The following RTL1 variants were observed in gnomAD, a reference collection of about 807,000 sequenced individuals.
RTL1 encodes the protein retrotransposon-like protein 1.
For synonymous variants in RTL1, 727 were observed against 748.4 expected, an observed-to-expected ratio of 0.97 and a Z score of 0.47; for missense variants, 1,681 against 1,767.5, an observed-to-expected ratio of 0.95 and a Z score of 0.88.
At position 100,884,636 on chromosome 14, in the gene RTL1, T is replaced by G; in HGVS notation, c.153A>C (p.Pro51=). The change falls in exon 4 of 4, where the codon CCA becomes CCC. Residue 51 remains proline (P), a synonymous_variant. Transcript: ENST00000649591. ...TGGGGGGCTCCTTCTTTTCCTGGGCTGGGCCGCTGGCTGGCCCTGCCTCTC... is the reference window on the plus strand; with the variant it reads ...TGGGGGGCTCCTTCTTTTCCTGGGCGGGGCCGCTGGCTGGCCCTGCCTCTC... ...VRGEAGPASG[P]AQEKKEPPSG... is the part of the protein sequence containing the mutation. 1.9e-6 allele frequency: 3 copies of G among 1,613,610 alleles called. No individual in the cohort carries two copies. The highest frequency in any genetic ancestry group is 2.5e-6 in the Non-Finnish European group (3 of 1,179,888).
At chr14:100,895,475 C>CTCAACACATGTAGAAAAGGCACTTATT (rs1490423186) in intron 2 of RTL1, among the ~76,000 whole-genome samples, 2 of 152,168 alleles carry the variant, frequency 1.3e-5, no homozygotes, top group Non-Finnish European at 2.9e-5. Flanking sequence ...ATAGTAGATG[C>CTCAACACATGTAGAAAAGGCACTTATT]TCAACACATG....
chr14:100,894,008 T>C (rs1226722644), intron 2 of RTL1, among the ~76,000 whole-genome samples: 2 of 152,128 alleles, frequency 1.3e-5, no homozygotes, highest in African/African-American at 2.4e-5. Context: ...AGCAAATGGA[T>C]AGAAAAGTTT....
rs2038667203 is a variant in RTL1 at position 100,884,377 on chromosome 14, G to A, written c.412C>T (p.His138Tyr). Reference protein sequence around the residue: ...PSGAREEQEAHTDLKESGREE... With the variant: ...PSGAREEQEAYTDLKESGREE... ...CTTCCCGATTCCTTCAGGTCAGTGT[G>A]AGCCTCTTGTTCTTCTCGGGCTCCC... The change falls in exon 4 of 4, where the codon CAC becomes TAC. Residue 138 changes from histidine (H) to tyrosine (Y), a missense_variant. Coordinates refer to ENST00000649591, the MANE Select transcript of RTL1 (RefSeq NM_001134888.3). The A allele has an allele frequency of 6.3e-7, 1 of 1,576,972 alleles. No homozygotes were observed. Among genetic ancestry groups the A allele is most frequent in the Non-Finnish European group, 8.6e-7 (1 of 1,159,668 alleles).
In RTL1 at chr14:100,890,026, C is replaced by G. The variant is rs1381608407; in HGVS notation, c.-87+3418G>C. On this transcript the variant is annotated intron_variant, in intron 3 of 3. Transcript: ENST00000649591. ...TACATGTTGTTCTCAAATCTCATGA[C>G]AGTTTCTTTAAGAAATATCTACTGA... Among the ~76,000 whole-genome samples, 7 of 138,692 alleles carry G rather than the reference C, an allele frequency of 5.0e-5. No homozygotes were observed. The South Asian group carries it at 1.4e-3, about 27-fold the overall frequency. 91.0% of individuals were successfully genotyped at this position (138,692 alleles called of 152,430 possible).
intron 2 of RTL1, among the ~76,000 whole-genome samples, chr14:100,895,210 T>C (rs1159863168): frequency 6.6e-6 from 1 of 152,174 alleles, no homozygotes; most frequent in Admixed American, 6.5e-5. Flanking sequence ...TTTATCACCA[T>C]GATATACAGA....
In RTL1 at chr14:100,884,273, C is replaced by T. The variant is rs185297997; in HGVS notation, c.516G>A (p.Ser172=). The change falls in exon 4 of 4, where the codon TCG becomes TCA. Residue 172 remains serine (S), a synonymous_variant. Transcript: ENST00000649591. ...ELMAMVRSII[S]LYFRMQDLKE... ...TGAGGTCTTGCATTCGGAAGTACAGCGAGATGATGGACCTCACCATGGCCA... is the reference window on the plus strand; with the variant it reads ...TGAGGTCTTGCATTCGGAAGTACAGTGAGATGATGGACCTCACCATGGCCA... 376 of 1,551,774 alleles carry T rather than the reference C, an allele frequency of 2.4e-4. 4 individuals carry two copies. In the East Asian group the frequency reaches 5.9e-3, roughly 24 times the overall value.
chr14:100,903,471 C>T (rs755619816), intron 1 of RTL1, among the ~76,000 whole-genome samples, 85 bp from the exon 2 acceptor site: 5 of 152,242 alleles, frequency 3.3e-5, no homozygotes, highest in African/African-American at 7.2e-5. Context: ...TATGGAGCCC[C>T]GTCTTGGAGC....
intron 2 of RTL1, among the ~76,000 whole-genome samples, chr14:100,896,245 A>ATTTCTTCC (rs575361125): frequency 2.0e-5 from 3 of 152,106 alleles, no homozygotes; most frequent in Non-Finnish European, 4.4e-5. Flanking sequence ...CCTGTCTCAG[A>ATTTCTTCC]TTTCTTCCGC....
At position 100,883,293 on chromosome 14, in the gene RTL1, T is replaced by G; in HGVS notation, c.1496A>C (p.Asn499Thr). The G allele has an allele frequency of 3.2e-6, 5 of 1,550,530 alleles. No individual in the cohort carries two copies. The highest frequency in any genetic ancestry group is 4.4e-6 in the Non-Finnish European group (5 of 1,146,570). Residue 499 changes from asparagine (N) to threonine (T), a missense_variant, in exon 4 of 4, where the codon AAC (asparagine) becomes ACC (threonine). Transcript: ENST00000649591. This position sits in a 1 kb window ranked among gnomAD's most constrained non-coding sequence, Gnocchi z 5.9. ...SIEFDIVPSP[N>T]FSVVLGIRWL... The stretch of plus-strand genomic sequence containing the variant: ...GCGGATGCCTAGGACCACAGAGAAG[T>G]TCGGTGAAGGTACGATGTCAAATTC...
intron 2 of RTL1, among the ~76,000 whole-genome samples, chr14:100,901,808 C>T (rs1011938847): frequency 2.0e-5 from 3 of 152,198 alleles, no homozygotes; most frequent in African/African-American, 4.8e-5. Context: ...GGGCACTCAA[C>T]CCCATTCTCT....
intron 3 of RTL1, among the ~76,000 whole-genome samples, chr14:100,886,000 A>G (rs2038693336): frequency 6.6e-6 from 1 of 152,072 alleles, no homozygotes; most frequent in South Asian, 2.1e-4. Flanking sequence ...CCCAGAGTGG[A>G]TTTTTGGAAA....
Position 100,882,504 on chromosome 14 carries a change from T to C in RTL1, c.2285A>G (p.Tyr762Cys), listed in dbSNP as rs1044759106. ...VLVRFRHHNV[Y>C]CSLDKSQFHR... ...GAACTGGCTCTTGTCCAGGGAGCAGTAGACGTTGTGATGGCGGAAGCGGAC... is the reference window on the plus strand; with the variant it reads ...GAACTGGCTCTTGTCCAGGGAGCAGCAGACGTTGTGATGGCGGAAGCGGAC... Residue 762 changes from tyrosine (Y) to cysteine (C), a missense_variant, in exon 4 of 4, where the codon TAC becomes TGC. Physicochemically the swap from Tyr to Cys is radical, Grantham distance 194. Transcript: ENST00000649591. 3.9e-6 allele frequency: 6 copies of C among 1,551,802 alleles called. No individual in the cohort carries two copies. In the East Asian group the frequency reaches 9.8e-5, roughly 25 times the overall value.
intron 3 of RTL1, among the ~76,000 whole-genome samples, chr14:100,890,491 G>A (rs1236433372): frequency 6.6e-6 from 1 of 151,750 alleles, no homozygotes; most frequent in African/African-American, 2.4e-5. Context: ...GTGAGGACAG[G>A]GGAGGAGGGT....
intron 3 of RTL1, among the ~76,000 whole-genome samples, chr14:100,890,219 C>T (rs1019164984): frequency 5.9e-5 from 9 of 152,040 alleles, no homozygotes; most frequent in Admixed American, 3.9e-4. Context: ...GTGCCCAGAG[C>T]CTCTGTCGGG....
intron 2 of RTL1, among the ~76,000 whole-genome samples, chr14:100,898,533 C>T (rs374664928): frequency 2.0e-5 from 3 of 152,242 alleles, no homozygotes; most frequent in Middle Eastern, 3.2e-3. Context: ...CTTCCTGGAG[C>T]TTCCGGGACG....
Position 100,882,380 on chromosome 14 carries a change from AG to A in RTL1, c.2408del (p.Pro803LeufsTer36), listed in dbSNP as rs1174143935. 6.4e-7 allele frequency: 1 copy of A among 1,551,782 alleles called. No homozygotes were observed. The highest frequency in any genetic ancestry group is 2.0e-5 in the Admixed American group (1 of 51,006). On this transcript the variant is annotated frameshift_variant, in exon 4 of 4. Coordinates refer to ENST00000649591, the MANE Select transcript of RTL1 (RefSeq NM_001134888.3). LOFTEE classifies it low-confidence loss of function (END_TRUNC). ...AGTTTCGCAGAGATAGCTTGGAGCC[AG>A]GGGTAGGGTACCCTGTTATGATGGT... ...VMTIITGYPT[P>X]GSKLSLRNFI...
rs894808424 is a variant in RTL1, at chr14:100,883,262, G to C, written c.1527C>G (p.Leu509=). ...NFSVVLGIRW[L]RVHAPEVDWI... is the part of the protein sequence containing the mutation. The stretch of plus-strand genomic sequence containing the variant: ...AGTCGACTTCGGGGGCGTGGACTCG[G>C]AGCCAGCGGATGCCTAGGACCACAG... The change falls in exon 4 of 4, where the codon CTC becomes CTG. Residue 509 remains leucine, a synonymous_variant. Coordinates refer to ENST00000649591, the MANE Select transcript of RTL1 (RefSeq NM_001134888.3). This position sits in a 1 kb window ranked among gnomAD's most constrained non-coding sequence, Gnocchi z 5.9. The C allele has an allele frequency of 1.3e-6, 2 of 1,551,224 alleles. No homozygotes were observed. Among genetic ancestry groups the C allele is most frequent in the African/African-American group, 2.7e-5 (2 of 73,038 alleles).
At chr14:100,885,256 C>T (rs2038682337) in intron 3 of RTL1, among the ~76,000 whole-genome samples, 2 of 152,252 alleles carry the variant, frequency 1.3e-5, no homozygotes, top group Admixed American at 6.5e-5. Flanking sequence ...TCTTTTCCTG[C>T]TTTGGTCACC....
chr14:100,903,109 T>C (rs1017696760), intron 2 of RTL1, among the ~76,000 whole-genome samples, 182 bp downstream of exon 2: 12 of 152,132 alleles, frequency 7.9e-5, no homozygotes, highest in African/African-American at 2.7e-4. Flanking sequence ...GCATTGTATA[T>C]AACAGCACGA....
Sources: gnomAD v4.1 joint callset for allele counts (sites outside exome capture counted in the v4.1 genomes callset) on GRCh38, gnomAD v4.1.1 for gene constraint, Gnocchi (gnomAD v3.1) non-coding constraint, MANE v1.5 for transcripts, NCBI Gene and HGNC (gene_info 2026-07-23, HGNC 2026-07-21) for gene names.